MRM2: variants seen among roughly 807,000 people sequenced by gnomAD.
The protein encoded by MRM2 is mitochondrial rRNA methyltransferase 2, also known as rRNA methyltransferase 2, mitochondrial.
A neutral mutation model predicts 10.9 loss-of-function variants in MRM2; 15 were observed. The observed-to-expected ratio is 1.37, with a 90% CI of 0.92 to 2.11. MRM2 has a LOEUF of 2.11. Ranked by LOEUF, MRM2 falls within the 30% of genes most tolerant of loss-of-function variation. The pLI is 0.00. For missense variants in MRM2, 328 were observed against 321.3 expected, an observed-to-expected ratio of 1.02 and a Z score of -0.16; for synonymous variants, 139 against 128.7, an observed-to-expected ratio of 1.08 and a Z score of -0.54.
chr7:2,236,462 G>T (rs766653168), intron 2 of MRM2, among the ~76,000 whole-genome samples: 1 of 152,194 alleles, frequency 6.6e-6, no homozygotes, highest in Admixed American at 6.5e-5. Context: ...GCTGAAGCAA[G>T]AGGATTACTT....
At chr7:2,235,630 A>T (rs1261029651) in intron 2 of MRM2, 66 bp from the exon 3 acceptor site, 1 of 1,105,986 alleles carries the variant, frequency 9.0e-7, no homozygotes, top group Middle Eastern at 2.0e-4. Flanking sequence ...AATACAGTAC[A>T]TGCAACAAAG....
intron 2 of MRM2, 119 bp downstream of exon 2, chr7:2,239,299 G>A: frequency 6.0e-6 from 6 of 997,392 alleles, no homozygotes; most frequent in Non-Finnish European, 9.7e-6. Context: ...CACCCACTCG[G>A]AAGCACACGC....
At chr7:2,238,977 TTATATATATATATATATA>T (rs779018390) in intron 2 of MRM2, 2 of 31,292 alleles carry the variant, frequency 6.4e-5, no homozygotes, top group Non-Finnish European at 8.1e-5. Context: ...ACAATAATAA[TTATATATATATATATATA>T]TATATATATA....
Position 2,235,141 on chromosome 7 carries a change from T to C in MRM2, c.722A>G (p.Lys241Arg). 1.2e-6 allele frequency: 2 copies of C among 1,613,174 alleles called. No homozygotes were observed. Among genetic ancestry groups the C allele is most frequent in the East Asian group, 2.2e-5 (1 of 44,874 alleles). ...AAATCCTCACTGCTTCACAGTGCCC[T>C]TCCTTCCGTGGTACTGTGTGGCCAA... The part of the protein sequence containing the change: ...YFLATQYHGR[K>R]GTVKQ The change falls in exon 3 of 3, where the codon AAG becomes AGG. Residue 241 changes from lysine (K) to arginine (R), a missense_variant. By Grantham distance (26) the Lys-to-Arg change is conservative. Coordinates refer to ENST00000242257, the MANE Select transcript of MRM2 (RefSeq NM_013393.3).
chr7:2,241,568 C>G (rs1794540241), intron 1 of MRM2, among the ~76,000 whole-genome samples: 2 of 152,128 alleles, frequency 1.3e-5, no homozygotes. Flanking sequence ...TTCCAAAGTG[C>G]TGGGATGACA....
Position 2,234,913 on chromosome 7 carries a change from A to C in MRM2, c.*209T>G. The C allele has an allele frequency of 1.7e-6, 1 of 574,416 alleles. No homozygotes were observed. Among genetic ancestry groups the C allele is most frequent in the Non-Finnish European group, 3.1e-6 (1 of 325,404 alleles). 35.6% of individuals were successfully genotyped at this position (574,416 alleles called of 1,614,324 possible). A position where few individuals can be genotyped will look rare whatever the true frequency, so the allele number is the denominator to read the frequency against. Reference sequence around the variant, plus strand: ...CTCTTCCCAAATCACAATATAGCGGACTTTTTCATTTTCCATGGCCCCTGA... The same window carrying C: ...CTCTTCCCAAATCACAATATAGCGGCCTTTTTCATTTTCCATGGCCCCTGA... On this transcript the variant is annotated 3_prime_UTR_variant, in exon 3 of 3. Coordinates refer to ENST00000242257, the MANE Select transcript of MRM2 (RefSeq NM_013393.3).
In MRM2 at chr7:2,235,158, T is replaced by C. The variant is rs368563861; in HGVS notation, c.705A>G (p.Thr235=). Residue 235 remains threonine (T), a synonymous_variant, in exon 3 of 3, where the codon ACA becomes ACG. Coordinates refer to ENST00000242257, the MANE Select transcript of MRM2 (RefSeq NM_013393.3). ...CAGTGCCCTTCCTTCCGTGGTACTG[T>C]GTGGCCAAGAAGTACACTTCTGATG... ...KESSEVYFLA[T]QYHGRKGTVK... The C allele has an allele frequency of 6.1e-5, 99 of 1,613,958 alleles. No individual in the cohort carries two copies. Among genetic ancestry groups the C allele is most frequent in the Non-Finnish European group, 7.3e-5 (86 of 1,179,972 alleles).
chr7:2,236,082 T>G (rs569327762), intron 2 of MRM2, among the ~76,000 whole-genome samples: 9 of 152,118 alleles, frequency 5.9e-5, no homozygotes, highest in Non-Finnish European at 8.8e-5. Context: ...ATACAAAAAT[T>G]AGGCAGGCGT....
chr7:2,240,752 G>C (rs1794511813), intron 1 of MRM2, among the ~76,000 whole-genome samples: 1 of 152,110 alleles, frequency 6.6e-6, no homozygotes, highest in Non-Finnish European at 1.5e-5. Context: ...GCCCAGGCTG[G>C]AGTGCAGTGA....
chr7:2,237,414 G>A (rs1794436971), intron 2 of MRM2, among the ~76,000 whole-genome samples: 2 of 152,178 alleles, frequency 1.3e-5, no homozygotes, highest in South Asian at 4.1e-4. Context: ...ACTTCCGGGA[G>A]GACAAGCCCA....
At position 2,235,444 on chromosome 7, in the gene MRM2, A is replaced by G. The variant is rs752634141; in HGVS notation, c.419T>C (p.Leu140Pro). 3 of 1,614,008 alleles carry G rather than the reference A, an allele frequency of 1.9e-6. No homozygotes were observed. Among genetic ancestry groups the G allele is most frequent in the Non-Finnish European group, 2.5e-6 (3 of 1,180,022 alleles). The change falls in exon 3 of 3, where the codon CTC becomes CCC. Residue 140 changes from leucine (L) to proline (P), a missense_variant. By Grantham distance (98) the Leu-to-Pro change is moderately conservative. Transcript: ENST00000242257. The stretch of plus-strand genomic sequence containing the variant: ...TGCTCTCCTGCCAGGAAGCACCTCG[A>G]GGATTCTCTGTGAGGTTCTCGGGTC... Reference protein sequence around the residue: ...VTDPRTSQRILEVLPGRRADV... With the variant: ...VTDPRTSQRIPEVLPGRRADV...
chr7:2,240,832 T>C (rs987919046), intron 1 of MRM2, among the ~76,000 whole-genome samples: 5 of 151,984 alleles, frequency 3.3e-5, no homozygotes, highest in Non-Finnish European at 7.4e-5. Context: ...GTAGCTGGGA[T>C]TACAGGCACA....
chr7:2,236,586 G>A (rs1331264722), intron 2 of MRM2, among the ~76,000 whole-genome samples: 4 of 152,170 alleles, frequency 2.6e-5, no homozygotes, highest in Non-Finnish European at 1.5e-5. Flanking sequence ...AAAATGAGGC[G>A]TGAGGCGTCC....
At chr7:2,239,104 C>T (rs2115042959) in intron 2 of MRM2, 1 of 761,918 alleles carries the variant, frequency 1.3e-6, no homozygotes, top group Non-Finnish European at 2.5e-6. Flanking sequence ...TATGGCACAA[C>T]ATCGCTTTTG....
chr7:2,236,257 T>A (rs62442505), intron 2 of MRM2, among the ~76,000 whole-genome samples: 1 of 151,832 alleles, frequency 6.6e-6, no homozygotes, highest in Non-Finnish European at 1.5e-5. Context: ...AAAAAGAAAA[T>A]AATAAACTAG....
At chr7:2,239,776 C>G in intron 1 of MRM2, 69 bp from the exon 2 acceptor site, 1 of 1,412,420 alleles carries the variant, frequency 7.1e-7, no homozygotes, top group Non-Finnish European at 9.8e-7. Context: ...CTGGGAGGGC[C>G]CTCGGATCAA....
At chr7:2,241,492 G>C (rs535241419) in intron 1 of MRM2, among the ~76,000 whole-genome samples, 1 of 151,076 alleles carries the variant, frequency 6.6e-6, no homozygotes, top group African/African-American at 2.4e-5. Context: ...TTTAGAGATG[G>C]CATCTCACTA....
chr7:2,242,019 C>G lies in MRM2; in HGVS notation c.8+143G>C. The G allele has an allele frequency of 3.5e-6, 3 of 861,216 alleles. No individual in the cohort carries two copies. The South Asian group carries it at 5.7e-5, about 16-fold the overall frequency. The allele number at this position is 861,216 out of a possible 1,614,324, so 53.3% of individuals were successfully genotyped here. ...GGGGAACTGCGACCCGGAATCCTGG[C>G]CTCGCCCCTGTCGCGCTCGCTGAGT... On this transcript the variant is annotated intron_variant, in intron 1 of 2. Coordinates refer to ENST00000242257, the MANE Select transcript of MRM2 (RefSeq NM_013393.3).
At position 2,235,323 on chromosome 7, in the gene MRM2, C is replaced by T. The variant is rs1009096180; in HGVS notation, c.540G>A (p.Val180=). The part of the protein sequence containing the change: ...LISLCLTLLS[V]TPDILQPGGT... ...CCCCAGGTTGCAGGATGTCTGGGGT[C>T]ACGCTGAGAAGGGTCAGGCACAGGC... The change falls in exon 3 of 3, where the codon GTG becomes GTA. Residue 180 remains valine (V), a synonymous_variant. Coordinates refer to ENST00000242257, the MANE Select transcript of MRM2 (RefSeq NM_013393.3). 1 of 1,614,004 alleles carries T rather than the reference C, an allele frequency of 6.2e-7. No homozygotes were observed. The highest frequency in any genetic ancestry group is 1.3e-5 in the African/African-American group (1 of 74,914).
Sources: gnomAD v4.1 joint callset for allele counts (sites outside exome capture counted in the v4.1 genomes callset) on GRCh38, gnomAD v4.1.1 for gene constraint, MANE v1.5 for transcripts, NCBI Gene and HGNC (gene_info 2026-07-23, HGNC 2026-07-21) for gene names.